CHST11: variants seen among roughly 807,000 people sequenced by gnomAD.
The protein encoded by CHST11 is carbohydrate sulfotransferase 11.
A neutral mutation model predicts 30.4 loss-of-function variants in CHST11; 9 were observed. That is an observed-to-expected ratio of 0.30 (90% confidence interval 0.18 to 0.52). CHST11 has a LOEUF of 0.52. Among genes scored for constraint, CHST11 ranks in the 20% least tolerant of loss-of-function variants. The pLI is 0.97. For missense variants in CHST11, 348 were observed against 460.6 expected, an observed-to-expected ratio of 0.76 and a Z score of 2.24; for synonymous variants, 152 against 187.8, an observed-to-expected ratio of 0.81 and a Z score of 1.56.
intron 1 of CHST11, among the ~76,000 whole-genome samples, chr12:104,580,180 G>C (rs1428732627): frequency 6.6e-6 from 1 of 152,178 alleles, no homozygotes; most frequent in South Asian, 2.1e-4. Context: ...GGGGAATGGG[G>C]GATAGAATAT....
intron 1 of CHST11, among the ~76,000 whole-genome samples, chr12:104,513,123 T>TGGA (rs1555229062): frequency 3.0e-4 from 1 of 3,384 alleles, no homozygotes; most frequent in Non-Finnish European, 7.0e-4. Context: ...ATGTCATGAC[T>TGGA]GGGGGGGGGG....
rs373769036 is a variant in CHST11 at position 104,507,186 on chromosome 12, G to A, written c.118+49657G>A. ...TCCCTGTGCGTGTTGCAGAGCTCCC[G>A]GGGAGGGCAAGGATGTGAAGTGCGA... On this transcript the variant is annotated intron_variant, in intron 1 of 2. Coordinates refer to ENST00000303694, the MANE Select transcript of CHST11 (RefSeq NM_018413.6). Among the ~76,000 whole-genome samples the A allele has an allele frequency of 3.9e-5, 6 of 152,286 alleles. No homozygotes were observed. The South Asian group carries it at 6.2e-4, about 16-fold the overall frequency.
chr12:104,660,251 C>G (rs2039586146), intron 2 of CHST11, among the ~76,000 whole-genome samples: 1 of 152,152 alleles, frequency 6.6e-6, no homozygotes, highest in Non-Finnish European at 1.5e-5. Flanking sequence ...AGAAAGGTCT[C>G]CTGGGTACCA....
intron 1 of CHST11, among the ~76,000 whole-genome samples, chr12:104,484,518 T>TA (rs2135962972): frequency 6.6e-6 from 1 of 152,318 alleles, no homozygotes; most frequent in Admixed American, 6.5e-5. Context: ...CTGGCAAACT[T>TA]ACAATGTTCT....
intron 2 of CHST11, among the ~76,000 whole-genome samples, chr12:104,686,048 T>C (rs1206697377): frequency 6.6e-6 from 1 of 151,926 alleles, no homozygotes; most frequent in Admixed American, 6.6e-5. Context: ...GCAGCCTTAG[T>C]GAGACCCTCA....
chr12:104,620,442 C>G (rs1429075947), intron 2 of CHST11, among the ~76,000 whole-genome samples: 1 of 152,188 alleles, frequency 6.6e-6, no homozygotes, highest in Admixed American at 6.5e-5. Context: ...CAGATAATCT[C>G]CAAACCTTAT....
At chr12:104,515,338 T>G (rs1296911878) in intron 1 of CHST11, among the ~76,000 whole-genome samples, 4 of 152,176 alleles carry the variant, frequency 2.6e-5, no homozygotes, top group Non-Finnish European at 5.9e-5. Context: ...ATCTGGCCCT[T>G]TACAGGAAAA....
intron 2 of CHST11, among the ~76,000 whole-genome samples, chr12:104,753,642 T>A (rs577696988): frequency 1.3e-5 from 2 of 152,280 alleles, no homozygotes; most frequent in South Asian, 4.1e-4. Context: ...GGAAGAATAT[T>A]CTGGAAGATT....
rs886204652 is a variant in CHST11, at chr12:104,458,524, G to T, written c.118+995G>T. 6.6e-6 allele frequency among the ~76,000 whole-genome samples: 1 copy of T among 152,146 alleles called. No homozygotes were observed. The highest frequency in any genetic ancestry group is 2.4e-5 in the African/African-American group (1 of 41,444). On this transcript the variant is annotated intron_variant, in intron 1 of 2. Transcript: ENST00000303694. This position sits in a 1 kb window ranked among gnomAD's most constrained non-coding sequence, Gnocchi z 5.7. ...TGGAGAGGGAGGGGCGCCCTCGAGCGCGGCGGCCGGGGGTGAGCAGCTCGG... is the reference window on the plus strand; with the variant it reads ...TGGAGAGGGAGGGGCGCCCTCGAGCTCGGCGGCCGGGGGTGAGCAGCTCGG...
At chr12:104,493,611 G>A (rs1435705740) in intron 1 of CHST11, among the ~76,000 whole-genome samples, 3 of 152,156 alleles carry the variant, frequency 2.0e-5, no homozygotes. Flanking sequence ...GCCTGAAGGC[G>A]TTCCATCAAA....
At chr12:104,699,916 C>A (rs747994539) in intron 2 of CHST11, among the ~76,000 whole-genome samples, 2 of 152,166 alleles carry the variant, frequency 1.3e-5, no homozygotes, top group Non-Finnish European at 2.9e-5. Flanking sequence ...TCTTCTTTTG[C>A]AATCCTTCCC....
Position 104,559,946 on chromosome 12 carries a change from A to G in CHST11, c.119-41960A>G, listed in dbSNP as rs549789878. Among the ~76,000 whole-genome samples, 3 of 152,280 alleles carry G rather than the reference A, an allele frequency of 2.0e-5. No individual in the cohort carries two copies. The East Asian group carries it at 5.8e-4, about 29-fold the overall frequency. On this transcript the variant is annotated intron_variant, in intron 1 of 2. Transcript: ENST00000303694. ...ACAGTAATTACTTTTGCACCAACCT[A>G]ATATTTTGGAAGGTACCGTTGAGGA...
intron 2 of CHST11, among the ~76,000 whole-genome samples, chr12:104,667,430 G>A (rs1023488800): frequency 1.3e-5 from 2 of 152,146 alleles, no homozygotes; most frequent in African/African-American, 4.8e-5. Context: ...AATGTCATTG[G>A]ATGACAACAT....
At chr12:104,680,070 T>G (rs2039779948) in intron 2 of CHST11, among the ~76,000 whole-genome samples, 1 of 152,242 alleles carries the variant, frequency 6.6e-6, no homozygotes, top group Non-Finnish European at 1.5e-5. Flanking sequence ...AAGCATCAAC[T>G]GGACTCCTGC....
intron 1 of CHST11, among the ~76,000 whole-genome samples, chr12:104,599,716 T>C (rs913493394): frequency 6.6e-6 from 1 of 152,164 alleles, no homozygotes; most frequent in African/African-American, 2.4e-5. Flanking sequence ...CAGGGAAGAC[T>C]GTGGGCATGT....
rs567275202 is a variant in CHST11 at position 104,506,310 on chromosome 12, G to A, written c.118+48781G>A. Reference sequence around the variant, plus strand: ...TTTGTTCAAAGTCCAACATTGCCACGTATTAGCCGTGTGACCTGGGGTTAT... The same window carrying A: ...TTTGTTCAAAGTCCAACATTGCCACATATTAGCCGTGTGACCTGGGGTTAT... On this transcript the variant is annotated intron_variant, in intron 1 of 2. Coordinates refer to ENST00000303694, the MANE Select transcript of CHST11 (RefSeq NM_018413.6). Among the ~76,000 whole-genome samples the A allele has an allele frequency of 1.2e-4, 18 of 152,272 alleles. No individual in the cohort carries two copies. In the South Asian group the frequency reaches 1.7e-3, roughly 14 times the overall value.
At chr12:104,513,123 T>TGGTGGG (rs1555229062) in intron 1 of CHST11, among the ~76,000 whole-genome samples, 8 of 3,388 alleles carry the variant, frequency 2.4e-3, no homozygotes, top group Non-Finnish European at 2.8e-3. Context: ...ATGTCATGAC[T>TGGTGGG]GGGGGGGGGG....
chr12:104,686,797 G>A (rs1180236260), intron 2 of CHST11, among the ~76,000 whole-genome samples: 2 of 151,976 alleles, frequency 1.3e-5, no homozygotes, highest in East Asian at 1.9e-4. Flanking sequence ...ACAGGCACCC[G>A]CCACCACGCC....
chr12:104,698,699 G>T (rs920657153), intron 2 of CHST11, among the ~76,000 whole-genome samples: 4 of 152,206 alleles, frequency 2.6e-5, no homozygotes. Flanking sequence ...AAGTTTTTCT[G>T]CTGAGCAAAT....
Sources: gnomAD v4.1 joint callset for allele counts (sites outside exome capture counted in the v4.1 genomes callset) on GRCh38, gnomAD v4.1.1 for gene constraint, Gnocchi (gnomAD v3.1) non-coding constraint, MANE v1.5 for transcripts, NCBI Gene and HGNC (gene_info 2026-07-23, HGNC 2026-07-21) for gene names.